EPC2: variants seen among roughly 807,000 people sequenced by gnomAD.
The protein encoded by EPC2 is enhancer of polycomb homolog 2.
Under a neutral mutation model 92.1 loss-of-function variants are expected in EPC2, and 14 were observed. The ratio of observed to expected loss-of-function variants is 0.15; its 90% CI spans 0.10 to 0.24. The LOEUF (loss-of-function observed/expected upper bound fraction) is 0.24, where lower values mean the gene tolerates loss of function less well. Among genes scored for constraint, EPC2 ranks in the 10% least tolerant of loss-of-function variants. The probability of loss-of-function intolerance (pLI) is 1.00; values close to 1 mark genes in which losing one functional copy is unlikely to be tolerated. For synonymous variants in EPC2, 340 were observed against 334.7 expected (o/e 1.02, Z -0.17); for missense variants, 755 against 971.5 (o/e 0.78, Z 2.96).
rs974182292 is a variant in EPC2, at chr2:148,705,874, A to G, written c.313+15501A>G. ...CCATCATCAAAGACCAAAGGTAGAT[A>G]AAACCACAAAGATGGGGAGAAACCA... On this transcript the variant is annotated intron_variant, in intron 2 of 13. Transcript: ENST00000258484. Among the ~76,000 whole-genome samples, 6 of 152,354 alleles carry G rather than the reference A, an allele frequency of 3.9e-5. No homozygotes were observed. In the East Asian group the frequency reaches 7.7e-4, roughly 20 times the overall value.
At position 148,786,431 on chromosome 2, in the gene EPC2, A is replaced by T; in HGVS notation, c.*54A>T. 1.4e-6 allele frequency: 2 copies of T among 1,429,546 alleles called. No homozygotes were observed. Among genetic ancestry groups the T allele is most frequent in the Non-Finnish European group, 1.9e-6 (2 of 1,028,590 alleles). The allele number at this position is 1,429,546 out of a possible 1,614,324, so 88.6% of individuals were successfully genotyped here. On this transcript the variant is annotated 3_prime_UTR_variant, in exon 14 of 14. Transcript: ENST00000258484. ...GATGGTGTGCAGTCATTCATATTCC[A>T]GCTGAATGCAAAAGGCAACACTCTG...
At chr2:148,773,295 A>AT (rs1157025937) in intron 10 of EPC2, among the ~76,000 whole-genome samples, 1 of 152,114 alleles carries the variant, frequency 6.6e-6, no homozygotes, top group African/African-American at 2.4e-5. Flanking sequence ...TTCTCAGGGA[A>AT]TTTAAGTCAC....
At chr2:148,751,655 C>CT (rs1415850042) in intron 3 of EPC2, among the ~76,000 whole-genome samples, 2 of 151,928 alleles carry the variant, frequency 1.3e-5, no homozygotes, top group Non-Finnish European at 2.9e-5. Flanking sequence ...AATGACAGAA[C>CT]TTTTTTTATA....
intron 1 of EPC2, among the ~76,000 whole-genome samples, chr2:148,677,530 T>C (rs1275088338): frequency 6.6e-6 from 1 of 152,152 alleles, no homozygotes; most frequent in Non-Finnish European, 1.5e-5. Context: ...TTAAAAATTA[T>C]CTAGGTTTGG....
intron 3 of EPC2, among the ~76,000 whole-genome samples, chr2:148,748,302 A>G (rs1683024985): frequency 6.6e-6 from 1 of 152,214 alleles, no homozygotes; most frequent in African/African-American, 2.4e-5. Context: ...CCGCAGCACC[A>G]TGAGCCAATT....
intron 1 of EPC2, among the ~76,000 whole-genome samples, chr2:148,685,403 A>G (rs1681495194): frequency 1.3e-5 from 2 of 152,230 alleles, no homozygotes; most frequent in Non-Finnish European, 2.9e-5. Context: ...CCAAGCCACC[A>G]CAATAAAGCG....
intron 2 of EPC2, among the ~76,000 whole-genome samples, chr2:148,725,389 T>C (rs1034862990): frequency 1.3e-5 from 2 of 152,060 alleles, no homozygotes; most frequent in African/African-American, 4.8e-5. Context: ...AGCCTCTCTT[T>C]CTCCTCACCC....
At position 148,726,767 on chromosome 2, in the gene EPC2, T is replaced by G. The variant is rs1262117211; in HGVS notation, c.314-16855T>G. Among the ~76,000 whole-genome samples the G allele has an allele frequency of 6.4e-3, 943 of 148,056 alleles. 6 individuals carry two copies. The highest frequency in any genetic ancestry group is 0.022 in the African/African-American group (889 of 40,362). On this transcript the variant is annotated intron_variant, in intron 2 of 13. Coordinates refer to ENST00000258484, the MANE Select transcript of EPC2 (RefSeq NM_015630.4). Reference sequence around the variant, plus strand: ...GTTTTTTTTTTGTTTTGTTTTTTGTTTTTTTTTTTTTTGCGTTTTTTTGTT... The same window carrying G: ...GTTTTTTTTTTGTTTTGTTTTTTGTGTTTTTTTTTTTTGCGTTTTTTTGTT...
chr2:148,699,997 T>A (rs1681841268), intron 2 of EPC2, among the ~76,000 whole-genome samples: 1 of 152,224 alleles, frequency 6.6e-6, no homozygotes, highest in African/African-American at 2.4e-5. Flanking sequence ...GATCACCTTT[T>A]TGTTTGATTG....
At chr2:148,682,302 C>T (rs1032498185) in intron 1 of EPC2, among the ~76,000 whole-genome samples, 1 of 152,224 alleles carries the variant, frequency 6.6e-6, no homozygotes, top group African/African-American at 2.4e-5. Context: ...ATCACACTGT[C>T]TTCCACAATG....
chr2:148,707,411 A>T (rs983485572), intron 2 of EPC2, among the ~76,000 whole-genome samples: 4 of 152,160 alleles, frequency 2.6e-5, no homozygotes, highest in Non-Finnish European at 5.9e-5. Flanking sequence ...AGACTTTAAC[A>T]CCCCACTGTC....
At chr2:148,772,475 T>G (rs1665000802) in intron 10 of EPC2, among the ~76,000 whole-genome samples, 1 of 152,232 alleles carries the variant, frequency 6.6e-6, no homozygotes, top group African/African-American at 2.4e-5. Flanking sequence ...AAAGTGATCA[T>G]AAATCACTTT....
intron 2 of EPC2, among the ~76,000 whole-genome samples, chr2:148,727,131 A>G (rs548571153): frequency 5.9e-5 from 9 of 152,288 alleles, no homozygotes; most frequent in East Asian, 3.9e-4. Context: ...TAAGGATCCA[A>G]TTTCATTATT....
intron 2 of EPC2, among the ~76,000 whole-genome samples, chr2:148,730,459 G>A (rs955735992): frequency 2.0e-5 from 3 of 152,206 alleles, no homozygotes; most frequent in Non-Finnish European, 4.4e-5. Context: ...AAGACTGTGG[G>A]TTTAGAGCAG....
In EPC2 at chr2:148,691,637, C is replaced by G. The variant is rs578012756; in HGVS notation, c.313+1264C>G. 3 of 1,547,046 alleles carry G rather than the reference C, an allele frequency of 1.9e-6. No individual in the cohort carries two copies. The East Asian group carries it at 7.3e-5, about 38-fold the overall frequency. On this transcript the variant is annotated intron_variant, in intron 2 of 13. Transcript: ENST00000258484. The stretch of plus-strand genomic sequence containing the variant: ...TTCTGCCAGGCATTTGGGGACACTA[C>G]CAACCGGAGACCACGTTAAAGTTTT...
chr2:148,708,718 C>G (rs1372002288), intron 2 of EPC2, among the ~76,000 whole-genome samples: 3 of 150,398 alleles, frequency 2.0e-5, no homozygotes, highest in Admixed American at 1.3e-4. Flanking sequence ...GTAATCCATC[C>G]TGTAAAGAGA....
At chr2:148,698,620 C>T (rs1200824991) in intron 2 of EPC2, among the ~76,000 whole-genome samples, 5 of 105,096 alleles carry the variant, frequency 4.8e-5, no homozygotes, top group South Asian at 3.6e-4. Context: ...TGGGTGACAG[C>T]GAGACTCCAT....
intron 2 of EPC2, among the ~76,000 whole-genome samples, chr2:148,727,654 A>G (rs1682524730): frequency 6.6e-6 from 1 of 152,222 alleles, no homozygotes; most frequent in Admixed American, 6.5e-5. Context: ...ATGTCTGAAT[A>G]AAACTTTTTG....
intron 2 of EPC2, among the ~76,000 whole-genome samples, chr2:148,741,603 T>C (rs1192095097): frequency 1.3e-5 from 2 of 152,180 alleles, no homozygotes; most frequent in Admixed American, 1.3e-4. Context: ...ACATTTCACG[T>C]GGTATGAATG....
Sources: gnomAD v4.1 joint callset for allele counts (sites outside exome capture counted in the v4.1 genomes callset) on GRCh38, gnomAD v4.1.1 for gene constraint, MANE v1.5 for transcripts, NCBI Gene and HGNC (gene_info 2026-07-23, HGNC 2026-07-21) for gene names.